Variants in CDC42SE2 observed in about 807,000 individuals in gnomAD.
CDC42SE2 encodes the protein CDC42 small effector 2, also known as CDC42 small effector protein 2.
A neutral mutation model predicts 11.5 loss-of-function variants in CDC42SE2; 3 were observed. The ratio of observed to expected loss-of-function variants is 0.26; its 90% CI spans 0.12 to 0.67. The LOEUF is 0.67. CDC42SE2 is among the 30% of genes least tolerant of loss of function. CDC42SE2 has a pLI of 0.80. For synonymous variants in CDC42SE2, 33 were observed against 34.8 expected (o/e 0.95, Z 0.18); for missense variants, 82 against 106.8 (o/e 0.77, Z 1.02).
intron 1 of CDC42SE2, among the ~76,000 whole-genome samples, chr5:131,295,636 G>C (rs1307167646): frequency 2.0e-5 from 3 of 151,914 alleles, no homozygotes; most frequent in Non-Finnish European, 4.4e-5. Context: ...GTTTCTCTCT[G>C]GAGCGGGGAA....
At chr5:131,351,381 A>C (rs1759005951) in intron 2 of CDC42SE2, among the ~76,000 whole-genome samples, 1 of 152,114 alleles carries the variant, frequency 6.6e-6, no homozygotes, top group South Asian at 2.1e-4. Context: ...CAGCCTCTGG[A>C]GTAGCTGGGA....
At chr5:131,234,401 G>C in the CDC42SE2 span, among the ~76,000 whole-genome samples, 84 of 152,238 alleles carry the variant, frequency 5.5e-4, no homozygotes, top group Middle Eastern at 3.4e-3. Context: ...ACTTTGGGAG[G>C]CCCAGGCAGG....
chr5:131,233,394 G>A, the CDC42SE2 span, among the ~76,000 whole-genome samples: 1 of 152,134 alleles, frequency 6.6e-6, no homozygotes, highest in Admixed American at 6.6e-5. Flanking sequence ...TTTTGGGACA[G>A]ATTCTCACTG....
intron 2 of CDC42SE2, among the ~76,000 whole-genome samples, chr5:131,334,076 T>C (rs892396488): frequency 2.0e-5 from 3 of 152,122 alleles, no homozygotes; most frequent in Non-Finnish European, 2.9e-5. Flanking sequence ...TTTTTATCCA[T>C]TCAGTATGAT....
At chr5:131,347,010 A>G (rs1258168001) in intron 2 of CDC42SE2, among the ~76,000 whole-genome samples, 1 of 152,220 alleles carries the variant, frequency 6.6e-6, no homozygotes. Flanking sequence ...GTGTAGAGGG[A>G]AATTTATAGC....
chr5:131,222,868 G>A, the CDC42SE2 span, among the ~76,000 whole-genome samples: 1 of 152,140 alleles, frequency 6.6e-6, no homozygotes, highest in Non-Finnish European at 1.5e-5. Flanking sequence ...CCTTAATCCT[G>A]CCACTTACTC....
intron 3 of CDC42SE2, among the ~76,000 whole-genome samples, chr5:131,380,458 T>C (rs1480163735): frequency 6.6e-6 from 1 of 152,220 alleles, no homozygotes; most frequent in Non-Finnish European, 1.5e-5. Flanking sequence ...CCCGTGACTA[T>C]TATACAGTAC....
chr5:131,315,678 CT>C (rs1758026647), intron 1 of CDC42SE2, among the ~76,000 whole-genome samples: 1 of 152,270 alleles, frequency 6.6e-6, no homozygotes, highest in East Asian at 1.9e-4. Context: ...GGCAGTTATC[CT>C]TTAACCATGC....
intron 3 of CDC42SE2, among the ~76,000 whole-genome samples, chr5:131,372,712 C>CA (rs558877464): frequency 0.025 from 2,881 of 113,144 alleles, 45 homozygotes; most frequent in African/African-American, 0.058. Context: ...AACTCTGTCT[C>CA]AAAAAAAAAA....
At chr5:131,289,412 C>G (rs1757404702) in intron 1 of CDC42SE2, among the ~76,000 whole-genome samples, 1 of 152,194 alleles carries the variant, frequency 6.6e-6, no homozygotes, top group Non-Finnish European at 1.5e-5. Context: ...GTGGCTCACG[C>G]CTGTAATCCC....
At chr5:131,226,125 G>A in the CDC42SE2 span, among the ~76,000 whole-genome samples, 5 of 152,192 alleles carry the variant, frequency 3.3e-5, no homozygotes, top group Non-Finnish European at 5.9e-5. Flanking sequence ...GACAGGATGG[G>A]TATGGTTGAC....
At chr5:131,344,007 A>G (rs1758774953) in intron 2 of CDC42SE2, among the ~76,000 whole-genome samples, 1 of 152,182 alleles carries the variant, frequency 6.6e-6, no homozygotes, top group African/African-American at 2.4e-5. Context: ...TTCAGATTTA[A>G]GTGGGAAAAG....
At chr5:131,244,363 T>A (rs147862014), upstream of CDC42SE2, among the ~76,000 whole-genome samples, 38 of 152,270 alleles carry the variant, frequency 2.5e-4, 1 homozygote, top group Admixed American at 5.2e-4. Flanking sequence ...AATGGACATA[T>A]GGGGAACACT....
rs377607749 is a variant in CDC42SE2 at position 131,312,568 on chromosome 5, T to A, written c.-454-3408T>A. On this transcript the variant is annotated intron_variant, in intron 1 of 4. Coordinates refer to ENST00000505065, the MANE Select transcript of CDC42SE2 (RefSeq NM_001375635.1). The stretch of plus-strand genomic sequence containing the variant: ...CTGCTGCCTTGCAGTTTGATCTCAG[T>A]CTGCTGTGCTAGCAATCAGCGATAC... 2.4e-4 allele frequency among the ~76,000 whole-genome samples: 36 copies of A among 152,264 alleles called. 2 individuals are homozygous for A. The East Asian group carries it at 4.7e-3, about 20-fold the overall frequency.
At chr5:131,262,370 G>A (rs1030038879), upstream of CDC42SE2, among the ~76,000 whole-genome samples, 6 of 151,860 alleles carry the variant, frequency 4.0e-5, no homozygotes, top group Admixed American at 6.6e-5. Flanking sequence ...TGTAGATAAA[G>A]ATCTTATGGT....
intron 1 of CDC42SE2, among the ~76,000 whole-genome samples, chr5:131,315,742 G>A (rs776241207): frequency 2.6e-5 from 4 of 152,158 alleles, no homozygotes; most frequent in East Asian, 1.9e-4. Context: ...GATTCTGCCC[G>A]GTGGGTAGAT....
At chr5:131,231,276 C>A in the CDC42SE2 span, among the ~76,000 whole-genome samples, 1 of 152,066 alleles carries the variant, frequency 6.6e-6, no homozygotes, top group East Asian at 1.9e-4. Flanking sequence ...TATTTTCATT[C>A]ATATTTTTCT....
the CDC42SE2 span, among the ~76,000 whole-genome samples, chr5:131,210,404 C>A: frequency 6.6e-6 from 1 of 152,228 alleles, no homozygotes; most frequent in Admixed American, 6.5e-5. Context: ...TTGTTCACCA[C>A]TGCTTCTTGA....
At chr5:131,238,650 T>G in the CDC42SE2 span, among the ~76,000 whole-genome samples, 2 of 151,836 alleles carry the variant, frequency 1.3e-5, no homozygotes, top group African/African-American at 4.8e-5. Flanking sequence ...AAAGAAAACC[T>G]TAAAAAATAT....
Sources: allele counts gnomAD v4.1 joint callset (sites outside exome capture counted in the v4.1 genomes callset), GRCh38; gene constraint gnomAD v4.1.1; transcripts MANE v1.5; gene names NCBI Gene and HGNC (gene_info 2026-07-23, HGNC 2026-07-21).